The following FAM83B variants were observed in gnomAD, a reference collection of about 807,000 sequenced individuals.
FAM83B encodes the protein protein FAM83B.
A neutral mutation model predicts 38.8 loss-of-function variants in FAM83B; 26 were observed. The observed-to-expected ratio is 0.67, with a 90% CI of 0.49 to 0.93. The LOEUF is 0.93. FAM83B is among the 40% of genes least tolerant of loss of function. FAM83B has a pLI of 0.00. For missense variants in FAM83B, 1,237 were observed against 1,197.3 expected (o/e 1.03, Z -0.49); for synonymous variants, 419 against 423.1 (o/e 0.99, Z 0.12).
intron 4 of FAM83B, among the ~76,000 whole-genome samples, chr6:54,934,553 C>G (rs1773489536): frequency 6.6e-6 from 1 of 152,078 alleles, no homozygotes; most frequent in African/African-American, 2.4e-5. Context: ...AGAATATGAT[C>G]CTAACTGAAG....
In FAM83B at chr6:54,870,546, A is replaced by G. The variant is rs16886105; in HGVS notation, c.300A>G (p.Glu100=). The G allele has an allele frequency of 0.079, 126,940 of 1,613,952 alleles. 5,902 individuals are homozygous for G. The highest frequency in any genetic ancestry group is 0.16 in the Middle Eastern group (983 of 6,060). Residue 100 remains glutamate (E), a synonymous_variant, in exon 2 of 5, where the codon GAA becomes GAG. Coordinates refer to ENST00000306858, the MANE Select transcript of FAM83B (RefSeq NM_001010872.3). Reference sequence around the variant, plus strand: ...ACTGGCCTGTTGAGTCTGATGTGGAAGCTCCAAATCTTGACTTAGGCTGGC... The same window carrying G: ...ACTGGCCTGTTGAGTCTGATGTGGAGGCTCCAAATCTTGACTTAGGCTGGC... ...GTYWPVESDV[E]APNLDLGWPY... is the part of the protein sequence containing the mutation.
intron 2 of FAM83B, among the ~76,000 whole-genome samples, chr6:54,921,777 G>A (rs1433211850): frequency 6.6e-6 from 1 of 151,982 alleles, no homozygotes; most frequent in Non-Finnish European, 1.5e-5. Context: ...ATGTGGCCAT[G>A]TGTGCAACAC....
At chr6:54,933,295 AGTTTT>A (rs1299409693) in intron 4 of FAM83B, among the ~76,000 whole-genome samples, 12 of 150,190 alleles carry the variant, frequency 8.0e-5, no homozygotes, top group Admixed American at 7.9e-4. Context: ...ATTTCCTTTT[AGTTTT>A]ATTTTATAGT....
intron 2 of FAM83B, among the ~76,000 whole-genome samples, chr6:54,925,166 A>G (rs1297332432): frequency 1.3e-5 from 2 of 152,100 alleles, no homozygotes; most frequent in Admixed American, 1.3e-4. Flanking sequence ...CATTTCCTTT[A>G]AATTCTATTC....
intron 2 of FAM83B, among the ~76,000 whole-genome samples, chr6:54,912,499 A>C (rs935290211): frequency 6.6e-6 from 1 of 151,338 alleles, no homozygotes; most frequent in Non-Finnish European, 1.5e-5. Context: ...AGAAATTGTT[A>C]ATAAAATACA....
chr6:54,898,026 A>G (rs751052261), intron 2 of FAM83B, among the ~76,000 whole-genome samples: 4 of 152,178 alleles, frequency 2.6e-5, no homozygotes, highest in African/African-American at 4.8e-5. Context: ...GTTGTATATA[A>G]CTAATATATT....
rs1219049084 is a variant in FAM83B at position 54,941,354 on chromosome 6, C to T, written c.2383C>T (p.Pro795Ser). ...AGAAAATCTATCCAAAAATAAAGCACCTGCCTTTTATAGATTGTGTAGTAG... is the reference window on the plus strand; with the variant it reads ...AGAAAATCTATCCAAAAATAAAGCATCTGCCTTTTATAGATTGTGTAGTAG... ...KKENLSKNKA[P>S]AFYRLCSSSD... The change falls in exon 5 of 5, where the codon CCT becomes TCT. Residue 795 changes from proline (P) to serine (S), a missense_variant. Physicochemically the swap from Pro to Ser is moderately conservative, Grantham distance 74. Transcript: ENST00000306858. The T allele has an allele frequency of 1.9e-6, 3 of 1,613,362 alleles. No homozygotes were observed. Among genetic ancestry groups the T allele is most frequent in the Non-Finnish European group, 1.7e-6 (2 of 1,179,874 alleles).
intron 2 of FAM83B, among the ~76,000 whole-genome samples, chr6:54,914,444 T>C (rs1200615109): frequency 6.6e-6 from 1 of 152,168 alleles, no homozygotes; most frequent in African/African-American, 2.4e-5. Flanking sequence ...TTTCTTATGC[T>C]GATTTCTGGT....
At chr6:54,858,997 A>T (rs1771510566) in intron 1 of FAM83B, among the ~76,000 whole-genome samples, 1 of 152,152 alleles carries the variant, frequency 6.6e-6, no homozygotes, top group Non-Finnish European at 1.5e-5. Flanking sequence ...ATAAGCAAAT[A>T]TATGTTCAGA....
In FAM83B at chr6:54,940,421, C is replaced by G; in HGVS notation, c.1450C>G (p.Leu484Val). Residue 484 changes from leucine (L) to valine (V), a missense_variant, in exon 5 of 5, where the codon CTT becomes GTT. Physicochemically the swap from Leu to Val is conservative, Grantham distance 32 (BLOSUM62 1). Transcript: ENST00000306858. ...CTTTTTGCAACAACGAATGCCAACC[C>G]TTGAACATACCACAAAGTCATTCCT... ...IRFLQQRMPTLEHTTKSFLRN... is the reference protein window; with the variant it reads ...IRFLQQRMPTVEHTTKSFLRN... 1 of 1,614,014 alleles carries G rather than the reference C, an allele frequency of 6.2e-7. No individual in the cohort carries two copies. The highest frequency in any genetic ancestry group is 8.5e-7 in the Non-Finnish European group (1 of 1,180,004).
chr6:54,870,105 A>C, intron 1 of FAM83B, 82 bp from the exon 2 acceptor site: 1 of 634,968 alleles, frequency 1.6e-6, no homozygotes, highest in Non-Finnish European at 2.7e-6. Flanking sequence ...TGTAAATGAA[A>C]AAATAATAGT....
At position 54,940,747 on chromosome 6, in the gene FAM83B, C is replaced by G; in HGVS notation, c.1776C>G (p.Asp592Glu). The G allele has an allele frequency of 1.2e-6, 2 of 1,614,026 alleles. No homozygotes were observed. Among genetic ancestry groups the G allele is most frequent in the South Asian group, 2.2e-5 (2 of 91,078 alleles). Residue 592 changes from aspartate (D) to glutamate (E), a missense_variant, in exon 5 of 5, where the codon GAC (aspartate) becomes GAG (glutamate). Transcript: ENST00000306858. ...CTACGAATGTACAGCATTTGACAGA[C>G]AAACCCTTGCCAGAATCAATCCCCA... is the stretch of plus-strand genomic sequence containing the variant. The part of the protein sequence containing the change: ...DTPTNVQHLT[D>E]KPLPESIPKL...
chr6:54,911,007 A>G (rs1290889233), intron 2 of FAM83B, among the ~76,000 whole-genome samples: 1 of 152,134 alleles, frequency 6.6e-6, no homozygotes, highest in Non-Finnish European at 1.5e-5. Flanking sequence ...ATATACCAAG[A>G]TGAAAGGAAA....
At position 54,890,147 on chromosome 6, in the gene FAM83B, A is replaced by G. The variant is rs564072457; in HGVS notation, c.444+19457A>G. On this transcript the variant is annotated intron_variant, in intron 2 of 4. Transcript: ENST00000306858. Reference sequence around the variant, plus strand: ...AGAACACATAGGTTTGGAAAATGTAATGTCAAAACTTTTTTGAGTATATGT... The same window carrying G: ...AGAACACATAGGTTTGGAAAATGTAGTGTCAAAACTTTTTTGAGTATATGT... Among the ~76,000 whole-genome samples the G allele has an allele frequency of 3.9e-5, 6 of 152,244 alleles. No individual in the cohort carries two copies. The South Asian group carries it at 1.2e-3, about 32-fold the overall frequency.
chr6:54,897,305 A>G (rs541797110), intron 2 of FAM83B, among the ~76,000 whole-genome samples: 5 of 152,248 alleles, frequency 3.3e-5, no homozygotes, highest in South Asian at 4.1e-4. Context: ...ATCTAAAACA[A>G]TATATATAAT....
At position 54,876,426 on chromosome 6, in the gene FAM83B, G is replaced by A. The variant is rs553696351; in HGVS notation, c.444+5736G>A. Among the ~76,000 whole-genome samples, 3 of 149,552 alleles carry A rather than the reference G, an allele frequency of 2.0e-5. No homozygotes were observed. In the South Asian group the frequency reaches 6.3e-4, roughly 32 times the overall value. ...GCAACCTCTGTCCCCCCAGGTTCAA[G>A]CGATTCTCCTGCCTCAGCCTCCCTA... On this transcript the variant is annotated intron_variant, in intron 2 of 4. Transcript: ENST00000306858.
intron 2 of FAM83B, among the ~76,000 whole-genome samples, chr6:54,885,422 T>G (rs894882803): frequency 2.6e-5 from 4 of 152,170 alleles, no homozygotes; most frequent in Admixed American, 2.0e-4. Flanking sequence ...TAATTTTTTC[T>G]TTTTTACTAA....
chr6:54,895,712 G>C (rs903542297), intron 2 of FAM83B, among the ~76,000 whole-genome samples: 10 of 152,014 alleles, frequency 6.6e-5, no homozygotes, highest in African/African-American at 2.4e-4. Flanking sequence ...AATGGGTTCT[G>C]AAACTAGTAA....
intron 2 of FAM83B, among the ~76,000 whole-genome samples, chr6:54,914,082 G>A (rs1772981056): frequency 6.6e-6 from 1 of 152,052 alleles, no homozygotes; most frequent in East Asian, 1.9e-4. Flanking sequence ...ATTGCATTTT[G>A]TTGATATGTC....
Sources: gnomAD v4.1 joint callset for allele counts (sites outside exome capture counted in the v4.1 genomes callset) on GRCh38, gnomAD v4.1.1 for gene constraint, MANE v1.5 for transcripts, NCBI Gene and HGNC (gene_info 2026-07-23, HGNC 2026-07-21) for gene names.